Variants in KSR1 observed in about 807,000 individuals in gnomAD.
The protein encoded by KSR1 is kinase suppressor of ras 1, also known as kinase suppressor of ras.
In KSR1, 35 loss-of-function variants were observed where a neutral mutation model predicts 92.9. The ratio of observed to expected loss-of-function variants is 0.38; its 90% CI spans 0.29 to 0.50. The LOEUF is 0.50. KSR1 is among the 20% of genes least tolerant of loss of function. The pLI, the probability that KSR1 is intolerant of heterozygous loss-of-function variation, is 0.94. For synonymous variants in KSR1, 467 were observed against 472.6 expected (o/e 0.99, Z 0.15); for missense variants, 972 against 1,158.5 (o/e 0.84, Z 2.34).
chr17:27,503,812 G>A (rs34990722), intron 1 of KSR1, among the ~76,000 whole-genome samples: 243 of 152,266 alleles, frequency 1.6e-3, no homozygotes, highest in Non-Finnish European at 2.1e-3. Flanking sequence ...TGGAGGCGCC[G>A]TCAGCCTAGT....
intron 1 of KSR1, among the ~76,000 whole-genome samples, chr17:27,517,553 C>T (rs1319973539): frequency 5.3e-5 from 8 of 152,158 alleles, no homozygotes; most frequent in Non-Finnish European, 1.5e-5. Context: ...ACCTTGGCCT[C>T]CCAAAATGAT....
chr17:27,553,593 C>T (rs893782139), intron 2 of KSR1, among the ~76,000 whole-genome samples: 7 of 152,182 alleles, frequency 4.6e-5, no homozygotes, highest in Non-Finnish European at 8.8e-5. Flanking sequence ...GCTGGAGGTA[C>T]CTGGGCCTGG....
rs1299507528 is a variant in KSR1, at chr17:27,459,292, A to C, written c.231+2418A>C. 1.3e-5 allele frequency among the ~76,000 whole-genome samples: 2 copies of C among 152,170 alleles called. No individual in the cohort carries two copies. Among genetic ancestry groups the C allele is most frequent in the Non-Finnish European group, 2.9e-5 (2 of 68,024 alleles). On this transcript the variant is annotated intron_variant, in intron 1 of 20. Transcript: ENST00000644974. The surrounding 1 kb of genome is among the most constrained non-coding windows in gnomAD (Gnocchi z 4.6). ...GTCTGCCTGGCAGCTGCCCCTAGTG[A>C]GGGTCCAGTAGCATTTATGGCACAG...
rs75089083 is a variant in KSR1 at position 27,555,425 on chromosome 17, C to A, written c.372+4717C>A. On this transcript the variant is annotated intron_variant, in intron 2 of 20. Coordinates refer to ENST00000644974, the MANE Select transcript of KSR1 (RefSeq NM_001394583.1). ...ATACTACATGATTTATTTTGTTTCT[C>A]AAGTTCTTCCAGCTTTGGCCATTGG... Among the ~76,000 whole-genome samples, 78 of 152,268 alleles carry A rather than the reference C, an allele frequency of 5.1e-4. 1 individual carries two copies. In the East Asian group the frequency reaches 0.014, roughly 28 times the overall value.
At chr17:27,522,522 GTGTTTCTTTCCAGCAGAGATGAGA>G (rs1417695580) in intron 1 of KSR1, among the ~76,000 whole-genome samples, 2 of 152,200 alleles carry the variant, frequency 1.3e-5, no homozygotes, top group Non-Finnish European at 2.9e-5. Context: ...CAGAGATGAG[GTGTTTCTTTCCAGCAGAGATGAGA>G]TGTTCTTTTC....
At chr17:27,620,439 T>C (rs557093329) in intron 19 of KSR1, among the ~76,000 whole-genome samples, 1 of 152,364 alleles carries the variant, frequency 6.6e-6, no homozygotes, top group South Asian at 2.1e-4. Flanking sequence ...GTCACCTTTG[T>C]ATTCCTGGCT....
At position 27,603,866 on chromosome 17, in the gene KSR1, C is replaced by T. The variant is rs2073656771; in HGVS notation, c.1543C>T (p.Pro515Ser). ...ISAFAHAAPL[P>S]EAADGTRLDD... Reference sequence around the variant, plus strand: ...AGCCTTTGCACACGCAGCCCCGCTCCCTGAAGCTGCCGACGGTACCCGGTA... The same window carrying T: ...AGCCTTTGCACACGCAGCCCCGCTCTCTGAAGCTGCCGACGGTACCCGGTA... Residue 515 changes from proline to serine, a missense_variant, in exon 12 of 21, where the codon CCT becomes TCT. Coordinates refer to ENST00000644974, the MANE Select transcript of KSR1 (RefSeq NM_001394583.1). 1 of 1,613,872 alleles carries T rather than the reference C, an allele frequency of 6.2e-7. No homozygotes were observed. The highest frequency in any genetic ancestry group is 1.7e-5 in the Admixed American group (1 of 60,002).
In KSR1 at chr17:27,621,178, G is replaced by A. The variant is rs1022286539; in HGVS notation, c.2628-15G>A. The A allele has an allele frequency of 1.0e-5, 4 of 398,478 alleles. No individual in the cohort carries two copies. Among genetic ancestry groups the A allele is most frequent in the East Asian group, 3.6e-5 (1 of 28,092 alleles). The allele number at this position is 398,478 out of a possible 1,614,324, so 24.7% of individuals were successfully genotyped here. A position where few individuals can be genotyped will look rare whatever the true frequency, so the allele number is the denominator to read the frequency against. On this transcript the variant is annotated splice_polypyrimidine_tract_variant and intron_variant, in intron 19 of 20. Transcript: ENST00000644974. ...TCTTCCCACGCCTGGTGGAATGGTC[G>A]CTGGGCACTCCCAGTCGCTGGAGGA...
chr17:27,608,233 G>C (rs2073817701), intron 15 of KSR1, among the ~76,000 whole-genome samples: 2 of 152,314 alleles, frequency 1.3e-5, no homozygotes, highest in African/African-American at 4.8e-5. Flanking sequence ...TGATGGAATT[G>C]ACTTGGTTGG....
rs541411179 is a variant in KSR1 at position 27,494,611 on chromosome 17, C to T, written c.231+37737C>T. On this transcript the variant is annotated intron_variant, in intron 1 of 20. Transcript: ENST00000644974. ...ATAGAGGGACCGATATTAGGGATTC[C>T]GGGGACAAGTACGAACAGGTCTTTC... Among the ~76,000 whole-genome samples the T allele has an allele frequency of 9.2e-5, 14 of 152,224 alleles. No individual in the cohort carries two copies. The South Asian group carries it at 1.5e-3, about 16-fold the overall frequency.
intron 2 of KSR1, among the ~76,000 whole-genome samples, chr17:27,556,110 A>AG (rs1425262787): frequency 1.3e-5 from 2 of 152,248 alleles, no homozygotes; most frequent in African/African-American, 4.8e-5. Flanking sequence ...GTATTTCTAC[A>AG]GGGAAAAAAA....
chr17:27,549,326 C>G (rs182366911), intron 1 of KSR1, among the ~76,000 whole-genome samples: 1 of 152,200 alleles, frequency 6.6e-6, no homozygotes. Context: ...GTCACTTGGC[C>G]GTAGCCAAGC....
intron 19 of KSR1, among the ~76,000 whole-genome samples, chr17:27,620,237 G>A (rs1035963886): frequency 4.6e-5 from 7 of 152,230 alleles, no homozygotes; most frequent in African/African-American, 1.7e-4. Context: ...GTACAACTGT[G>A]GGGTAATGGA....
chr17:27,586,021 C>T (rs1387074779), intron 5 of KSR1: 10 of 314,318 alleles, frequency 3.2e-5, no homozygotes, highest in Non-Finnish European at 4.7e-5. Context: ...CCTGGGAAGG[C>T]GGTGCCATCT....
intron 1 of KSR1, among the ~76,000 whole-genome samples, chr17:27,486,685 C>T (rs1309811340): frequency 1.3e-5 from 2 of 152,174 alleles, no homozygotes; most frequent in Non-Finnish European, 2.9e-5. Flanking sequence ...TTGTGGTCCC[C>T]TCCCTGAATT....
chr17:27,502,340 A>T (rs2069220794), intron 1 of KSR1, among the ~76,000 whole-genome samples: 1 of 152,196 alleles, frequency 6.6e-6, no homozygotes, highest in African/African-American at 2.4e-5. Context: ...CCGCAAGAGG[A>T]ATCCCCCAGT....
At chr17:27,563,112 C>G (rs1248846903) in intron 2 of KSR1, among the ~76,000 whole-genome samples, 1 of 152,224 alleles carries the variant, frequency 6.6e-6, no homozygotes, top group Non-Finnish European at 1.5e-5. Flanking sequence ...CCTCCCTGGT[C>G]CTGACTAGTC....
chr17:27,563,126 G>C (rs1041031313), intron 2 of KSR1, among the ~76,000 whole-genome samples: 1 of 152,034 alleles, frequency 6.6e-6, no homozygotes, highest in African/African-American at 2.4e-5. Flanking sequence ...ACTAGTCCTC[G>C]GACTGTTGCA....
chr17:27,558,294 A>G (rs2071687632), intron 2 of KSR1: 1 of 150,926 alleles, frequency 6.6e-6, no homozygotes, highest in Admixed American at 6.6e-5. Context: ...GTTTGCTGAA[A>G]TGGGATCATA....
Sources: allele counts gnomAD v4.1 joint callset (sites outside exome capture counted in the v4.1 genomes callset), GRCh38; gene constraint gnomAD v4.1.1; non-coding constraint Gnocchi (gnomAD v3.1); transcripts MANE v1.5; gene names NCBI Gene and HGNC (gene_info 2026-07-23, HGNC 2026-07-21).